The following ARHGAP6 variants were observed in gnomAD, a reference collection of about 807,000 sequenced individuals.
ARHGAP6 encodes rho GTPase-activating protein 6.
A neutral mutation model predicts 55.7 loss-of-function variants in ARHGAP6; 16 were observed. The ratio of observed to expected loss-of-function variants is 0.29; its 90% confidence interval spans 0.19 to 0.44. The LOEUF is 0.44. Ranked by LOEUF, ARHGAP6 falls within the 20% of genes least tolerant of loss-of-function variation. ARHGAP6 has a pLI of 1.00. For missense variants in ARHGAP6, 698 were observed against 808.9 expected (o/e 0.86, Z 1.66); for synonymous variants, 382 against 360.9 (o/e 1.06, Z -0.66).
chrX:11,451,720 T>G (rs1035661666), intron 1 of ARHGAP6, among the ~76,000 whole-genome samples: 2 of 111,977 alleles, frequency 1.8e-5, no homozygotes, highest in African/African-American at 6.5e-5. Context: ...TTCTCCATGA[T>G]GCATAGCACC....
chrX:11,540,921 G>A (rs923398617), intron 1 of ARHGAP6, among the ~76,000 whole-genome samples: 1 of 112,542 alleles, frequency 8.9e-6, no homozygotes, highest in Non-Finnish European at 1.9e-5. Flanking sequence ...ACCAACCATG[G>A]CAGAAGAATT....
intron 1 of ARHGAP6, among the ~76,000 whole-genome samples, chrX:11,333,317 C>A (rs1043469700): frequency 9.0e-6 from 1 of 111,454 alleles, no homozygotes; most frequent in Non-Finnish European, 1.9e-5. Context: ...ATAGTGAGTT[C>A]TCACGAGATC....
chrX:11,187,756 GGA>G (rs2147345962), intron 4 of ARHGAP6, among the ~76,000 whole-genome samples: 1 of 112,234 alleles, frequency 8.9e-6, no homozygotes, highest in African/African-American at 3.2e-5. Flanking sequence ...GAGGAAAAAG[GGA>G]GAGAGGGTCA....
At chrX:11,461,350 G>C (rs930002569) in intron 1 of ARHGAP6, among the ~76,000 whole-genome samples, 2 of 112,029 alleles carry the variant, frequency 1.8e-5, no homozygotes, top group Non-Finnish European at 3.8e-5. Context: ...AAGAGTTATA[G>C]AAGAAATCAT....
intron 1 of ARHGAP6, among the ~76,000 whole-genome samples, chrX:11,431,424 A>C (rs1008753114): frequency 8.9e-6 from 1 of 112,979 alleles, no homozygotes; most frequent in African/African-American, 3.2e-5. Flanking sequence ...TTCCACAGTT[A>C]ATGCCAATGC....
intron 1 of ARHGAP6, among the ~76,000 whole-genome samples, chrX:11,455,597 C>T (rs1227947961): frequency 8.9e-6 from 1 of 112,232 alleles, no homozygotes; most frequent in African/African-American, 3.2e-5. Context: ...TAAATCAAGA[C>T]TTAGCCAATT....
At chrX:11,389,867 A>G (rs748693398) in intron 1 of ARHGAP6, among the ~76,000 whole-genome samples, 1 of 111,805 alleles carries the variant, frequency 8.9e-6, no homozygotes, top group East Asian at 2.8e-4. Context: ...GACAAGGAAA[A>G]CTTATCATGC....
intron 1 of ARHGAP6, among the ~76,000 whole-genome samples, chrX:11,282,061 C>T (rs1193065987): frequency 8.9e-6 from 1 of 111,953 alleles, no homozygotes; most frequent in Non-Finnish European, 1.9e-5. Flanking sequence ...GGTTGCTCTA[C>T]ATTCAAATCC....
At chrX:11,427,853 AGG>A in intron 1 of ARHGAP6, 1 of 608,274 alleles carries the variant, frequency 1.6e-6, no homozygotes, top group Non-Finnish European at 2.0e-6. Flanking sequence ...GAGGAGGAGG[AGG>A]AGGAGGAGGG....
intron 1 of ARHGAP6, among the ~76,000 whole-genome samples, chrX:11,575,653 C>A (rs1346302592): frequency 1.8e-5 from 2 of 112,167 alleles, no homozygotes; most frequent in Non-Finnish European, 3.8e-5. Flanking sequence ...GTTGGCTACT[C>A]TTGCCTGTGT....
At chrX:11,476,481 G>C (rs1315064915) in intron 1 of ARHGAP6, among the ~76,000 whole-genome samples, 2 of 111,420 alleles carry the variant, frequency 1.8e-5, no homozygotes, top group Admixed American at 1.9e-4. Flanking sequence ...AAATTGTATT[G>C]AAATACCAAG....
At chrX:11,457,088 T>C (rs1467378441) in intron 1 of ARHGAP6, among the ~76,000 whole-genome samples, 1 of 111,714 alleles carries the variant, frequency 9.0e-6, no homozygotes, top group Non-Finnish European at 1.9e-5. Context: ...GCATATCCCC[T>C]AGATCCACCA....
At chrX:11,465,134 AACTT>A (rs34218519) in intron 1 of ARHGAP6, among the ~76,000 whole-genome samples, 2,347 of 112,099 alleles carry the variant, frequency 0.021, 29 homozygotes, top group Middle Eastern at 0.056. Context: ...TTTTCTACAG[AACTT>A]ACTTGTCTAC....
chrX:11,232,201 T>C (rs780585457), intron 2 of ARHGAP6, among the ~76,000 whole-genome samples: 3 of 111,973 alleles, frequency 2.7e-5, no homozygotes, highest in Non-Finnish European at 5.6e-5. Flanking sequence ...TAACTGTATG[T>C]TTGTATCCAT....
At chrX:11,337,631 T>C (rs1237156637) in intron 1 of ARHGAP6, among the ~76,000 whole-genome samples, 1 of 112,519 alleles carries the variant, frequency 8.9e-6, no homozygotes. Flanking sequence ...CTAAATGCAA[T>C]GGTAAGTATG....
chrX:11,451,367 GT>G (rs1214628697), intron 1 of ARHGAP6, among the ~76,000 whole-genome samples: 2 of 111,767 alleles, frequency 1.8e-5, no homozygotes, highest in Non-Finnish European at 3.8e-5. Flanking sequence ...TATATTTTCT[GT>G]ACCCCTTGAG....
At chrX:11,267,040 C>T (rs2047635620) in intron 1 of ARHGAP6, among the ~76,000 whole-genome samples, 1 of 111,665 alleles carries the variant, frequency 9.0e-6, no homozygotes, top group Admixed American at 9.5e-5. Flanking sequence ...CACATACCTC[C>T]ACCACCACTA....
intron 8 of ARHGAP6, among the ~76,000 whole-genome samples, chrX:11,174,623 TTTTCTTTCTTTCTTTCTTTC>T (rs55966871): frequency 0.011 from 491 of 46,686 alleles, 13 homozygotes; most frequent in African/African-American, 0.029. Flanking sequence ...TTTCTCTTTC[TTTTCTTTCTTTCTTTCTTTC>T]TTTCTTTCTT....
At chrX:11,505,199 G>C (rs975712351) in intron 1 of ARHGAP6, among the ~76,000 whole-genome samples, 2 of 110,889 alleles carry the variant, frequency 1.8e-5, no homozygotes, top group Non-Finnish European at 1.9e-5. Context: ...GGCAGGTTGT[G>C]TTCCCCTTGT....
Sources: allele counts gnomAD v4.1 joint callset (sites outside exome capture counted in the v4.1 genomes callset), GRCh38; gene constraint gnomAD v4.1.1; transcripts MANE v1.5; gene names NCBI Gene and HGNC (gene_info 2026-07-23, HGNC 2026-07-21).